CENPH: variants seen among roughly 807,000 people sequenced by gnomAD.
CENPH encodes centromere protein H, also known as CENP-H.
CENPH carries 40 observed loss-of-function variants against 42.9 expected under a neutral mutation model. That is an observed-to-expected ratio of 0.93 (90% confidence interval 0.72 to 1.21). The LOEUF is 1.21. CENPH is among the 50% of genes most tolerant of loss of function. CENPH has a pLI of 0.00. For missense variants in CENPH, 302 were observed against 292.9 expected, an observed-to-expected ratio of 1.03 and a Z score of -0.23; for synonymous variants, 88 against 96.5, an observed-to-expected ratio of 0.91 and a Z score of 0.52.
chr5:69,206,624 G>A (rs1748164427), intron 7 of CENPH, among the ~76,000 whole-genome samples: 1 of 151,936 alleles, frequency 6.6e-6, no homozygotes, highest in Non-Finnish European at 1.5e-5. Flanking sequence ...GAGTAGCTGG[G>A]ATTACATGGG....
intron 3 of CENPH, among the ~76,000 whole-genome samples, chr5:69,195,238 A>G (rs1747945897): frequency 1.3e-5 from 2 of 151,844 alleles, no homozygotes; most frequent in South Asian, 4.1e-4. Flanking sequence ...AAAAATATAT[A>G]TATATTTTGT....
chr5:69,207,336 A>T (rs1235851513), intron 7 of CENPH, among the ~76,000 whole-genome samples: 2 of 151,670 alleles, frequency 1.3e-5, no homozygotes, highest in Admixed American at 6.6e-5. Flanking sequence ...TTATAGGCAC[A>T]TGTCACCATG....
intron 2 of CENPH, 87 bp from the exon 3 acceptor site, chr5:69,194,560 T>A (rs1396854826): frequency 1.5e-6 from 1 of 679,230 alleles, no homozygotes; most frequent in Non-Finnish European, 2.5e-6. Flanking sequence ...TTAAATGATG[T>A]CTTTTGCCCT....
In CENPH at chr5:69,197,114, G is replaced by C; in HGVS notation, c.371+5G>C. On this transcript the variant is annotated splice_donor_5th_base_variant and intron_variant, in intron 5 of 8. Transcript: ENST00000283006. ...GAAAATTAGCAGACAGTCTAGGTAT[G>C]ATTTTTTTTTTCTCTGGATTCGGTA... 6.5e-7 allele frequency: 1 copy of C among 1,543,020 alleles called. No homozygotes were observed. Among genetic ancestry groups the C allele is most frequent in the Non-Finnish European group, 8.7e-7 (1 of 1,148,638 alleles).
intron 2 of CENPH, among the ~76,000 whole-genome samples, chr5:69,192,324 A>G (rs1457098865): frequency 6.6e-6 from 1 of 152,190 alleles, no homozygotes; most frequent in African/African-American, 2.4e-5. Flanking sequence ...TAGAGCTCAG[A>G]TCCAAATGAG....
chr5:69,196,219 C>G (rs1160093624), intron 4 of CENPH, among the ~76,000 whole-genome samples: 4 of 152,182 alleles, frequency 2.6e-5, no homozygotes, highest in Middle Eastern at 3.4e-3. Context: ...ATTACACAAG[C>G]CCAGCCTGGT....
At chr5:69,193,367 G>A (rs868081938) in intron 2 of CENPH, among the ~76,000 whole-genome samples, 56 of 150,994 alleles carry the variant, frequency 3.7e-4, no homozygotes, top group African/African-American at 1.3e-3. Context: ...GAGCATGGTG[G>A]ATCAATCTGT....
At chr5:69,206,244 G>A (rs948391577) in intron 7 of CENPH, among the ~76,000 whole-genome samples, 4 of 150,998 alleles carry the variant, frequency 2.6e-5, no homozygotes, top group Admixed American at 6.6e-5. Flanking sequence ...GTGCAATGGC[G>A]TGATCTCGGC....
intron 7 of CENPH, among the ~76,000 whole-genome samples, chr5:69,205,062 G>C (rs1748128980): frequency 6.6e-6 from 1 of 151,186 alleles, no homozygotes; most frequent in East Asian, 1.9e-4. Flanking sequence ...GGGACTACAG[G>C]CACCCGCCAC....
intron 6 of CENPH, 119 bp from the exon 7 acceptor site, chr5:69,202,800 G>A: frequency 1.5e-6 from 1 of 667,454 alleles, no homozygotes. Context: ...TGGAAATAGA[G>A]GAATTGAAAA....
rs530786615 is a variant in CENPH at position 69,197,125 on chromosome 5, T to C, written c.371+16T>C. On this transcript the variant is annotated intron_variant, in intron 5 of 8. Transcript: ENST00000283006. ...GACAGTCTAGGTATGATTTTTTTTT[T>C]CTCTGGATTCGGTAAGGATGGGATC... is the stretch of plus-strand genomic sequence containing the variant. The C allele has an allele frequency of 6.9e-5, 105 of 1,523,156 alleles. No homozygotes were observed. The South Asian group carries it at 9.4e-4, about 14-fold the overall frequency. The allele number at this position is 1,523,156 out of a possible 1,614,324, so 94.4% of individuals were successfully genotyped here.
intron 8 of CENPH, 63 bp from the exon 9 acceptor site, chr5:69,209,644 T>C: frequency 1.4e-6 from 1 of 739,172 alleles, no homozygotes; most frequent in Non-Finnish European, 2.3e-6. Flanking sequence ...AAAAATGATA[T>C]TCTAAAATCT....
chr5:69,193,722 C>T (rs1222936641), intron 2 of CENPH, among the ~76,000 whole-genome samples: 1 of 147,222 alleles, frequency 6.8e-6, no homozygotes, highest in Non-Finnish European at 1.5e-5. Flanking sequence ...AGTGCAGCGG[C>T]GCAATCTTAG....
At position 69,191,851 on chromosome 5, in the gene CENPH, G is replaced by A. The variant is rs1486638976; in HGVS notation, c.190+1G>A. The A allele has an allele frequency of 6.0e-6, 9 of 1,509,266 alleles. No individual in the cohort carries two copies. Among genetic ancestry groups the A allele is most frequent in the Non-Finnish European group, 8.3e-6 (9 of 1,086,966 alleles). 93.5% of individuals were successfully genotyped at this position (1,509,266 alleles called of 1,614,324 possible). Reference sequence around the variant, plus strand: ...GAATATAAATCAATGGTTGATGCAAGTAAGTATTTTCATTTTCAAATTAGG... The same window carrying A: ...GAATATAAATCAATGGTTGATGCAAATAAGTATTTTCATTTTCAAATTAGG... On this transcript the variant is annotated splice_donor_variant, in intron 2 of 8. Transcript: ENST00000283006. LOFTEE classifies it high-confidence loss of function.
chr5:69,189,955 A>G lies in CENPH; in HGVS notation c.134+187A>G, dbSNP rs193181318. ...AAAGGAGAGAAAAATGACCCCCTGG[A>G]GAGAGGTTACAAGGGTTAAATGAGA... On this transcript the variant is annotated intron_variant, in intron 1 of 8. Coordinates refer to ENST00000283006, the MANE Select transcript of CENPH (RefSeq NM_022909.4). 1.5e-3 allele frequency among the ~76,000 whole-genome samples: 231 copies of G among 152,298 alleles called. 1 individual carries two copies. The highest frequency in any genetic ancestry group is 5.4e-3 in the African/African-American group (224 of 41,568).
intron 3 of CENPH, among the ~76,000 whole-genome samples, chr5:69,195,339 G>A (rs1747947335): frequency 6.6e-6 from 1 of 152,162 alleles, no homozygotes. Context: ...TTCTGGGATT[G>A]TAGGCAAGAG....
At position 69,192,297 on chromosome 5, in the gene CENPH, C is replaced by T. The variant is rs1160066608; in HGVS notation, c.190+447C>T. Among the ~76,000 whole-genome samples, 4 of 152,150 alleles carry T rather than the reference C, an allele frequency of 2.6e-5. No homozygotes were observed. The South Asian group carries it at 6.2e-4, about 24-fold the overall frequency. On this transcript the variant is annotated intron_variant, in intron 2 of 8. Coordinates refer to ENST00000283006, the MANE Select transcript of CENPH (RefSeq NM_022909.4). ...GGGCTTCTTTTCATAGGGATGGCTT[C>T]TCTAAGAAGATGATTTTAGAGCTCA...
intron 7 of CENPH, among the ~76,000 whole-genome samples, chr5:69,207,315 A>G (rs1184698040): frequency 6.6e-6 from 1 of 151,556 alleles, no homozygotes; most frequent in Non-Finnish European, 1.5e-5. Flanking sequence ...CAGCCTCCTG[A>G]GTAGCTGGGA....
Position 69,209,882 on chromosome 5 carries a change from C to T in CENPH, c.*83C>T, listed in dbSNP as rs372930981. 2.0e-3 allele frequency: 1,534 copies of T among 780,838 alleles called. 26 individuals carry two copies. The highest frequency in any genetic ancestry group is 0.017 in the South Asian group (1,021 of 59,566). 48.4% of individuals were successfully genotyped at this position (780,838 alleles called of 1,614,324 possible). On this transcript the variant is annotated 3_prime_UTR_variant, in exon 9 of 9. Transcript: ENST00000283006. ...TACTTCTGTGCATTTGTCTGTCCAC[C>T]GTAATTTTAGAAAAGCATATCCATA...
Sources: allele counts gnomAD v4.1 joint callset (sites outside exome capture counted in the v4.1 genomes callset), GRCh38; gene constraint gnomAD v4.1.1; transcripts MANE v1.5; gene names NCBI Gene and HGNC (gene_info 2026-07-23, HGNC 2026-07-21).